SDK2: variants seen among roughly 807,000 people sequenced by gnomAD.
SDK2 encodes the protein sidekick cell adhesion molecule 2.
A neutral mutation model predicts 253.9 loss-of-function variants in SDK2; 105 were observed. The observed-to-expected ratio is 0.41, with a 90% CI of 0.35 to 0.49. The LOEUF (loss-of-function observed/expected upper bound fraction) is 0.49. Among genes scored for constraint, SDK2 ranks in the 20% least tolerant of loss-of-function variants. The pLI is 0.06. For missense variants in SDK2, 2,608 were observed against 3,003.0 expected (o/e 0.87, Z 3.07); for synonymous variants, 1,249 against 1,234.9 (o/e 1.01, Z -0.24).
At chr17:73,575,628 G>A (rs924416301) in intron 1 of SDK2, among the ~76,000 whole-genome samples, 1 of 152,230 alleles carries the variant, frequency 6.6e-6, no homozygotes, top group East Asian at 1.9e-4. Context: ...TGGTGATCAG[G>A]ATTAAACGAG....
At chr17:73,510,584 C>G (rs145684010) in intron 1 of SDK2, among the ~76,000 whole-genome samples, 3,087 of 152,234 alleles carry the variant, frequency 0.02, 78 homozygotes, top group Non-Finnish European at 0.027. Context: ...ACCGCAGCCT[C>G]GACCTCTGGG....
At chr17:73,412,940 C>T (rs2063151726) in intron 18 of SDK2, among the ~76,000 whole-genome samples, 1 of 152,124 alleles carries the variant, frequency 6.6e-6, no homozygotes, top group Admixed American at 6.6e-5. Context: ...CAGAGGAAAC[C>T]AACCCTGCCC....
chr17:73,437,914 G>A (rs778106846), intron 7 of SDK2, 50 bp downstream of exon 7: 61 of 1,586,184 alleles, frequency 3.8e-5, no homozygotes, highest in Middle Eastern at 1.7e-4. Context: ...GACCCTCGCC[G>A]TGCTGCCCCT....
chr17:73,493,522 T>C (rs2063821860), intron 2 of SDK2, among the ~76,000 whole-genome samples: 1 of 152,248 alleles, frequency 6.6e-6, no homozygotes, highest in South Asian at 2.1e-4. Flanking sequence ...CATTCCAGAC[T>C]GTTCCATGCA....
rs1164061054 is a variant in SDK2 at position 73,447,019 on chromosome 17, T to TG, written c.613+595dup. On this transcript the variant is annotated intron_variant, in intron 5 of 44. Transcript: ENST00000392650. This position sits in a 1 kb window ranked among gnomAD's most constrained non-coding sequence, Gnocchi z 4.0. ...ACCAAGGGAATCACGCTTTTGTGTG[T>TG]GTCTCACTGTGTGGTGAGTTCTAGG... is the stretch of plus-strand genomic sequence containing the variant. Among the ~76,000 whole-genome samples, 1 of 152,192 alleles carries TG rather than the reference T, an allele frequency of 6.6e-6. No individual in the cohort carries two copies. The highest frequency in any genetic ancestry group is 1.9e-4 in the East Asian group (1 of 5,182).
chr17:73,562,517 G>C (rs1310170719), intron 1 of SDK2, among the ~76,000 whole-genome samples: 1 of 152,132 alleles, frequency 6.6e-6, no homozygotes, highest in South Asian at 2.1e-4. Context: ...TGGAATCTGG[G>C]GGAACATGAG....
intron 39 of SDK2, among the ~76,000 whole-genome samples, chr17:73,359,386 T>C (rs1009314022): frequency 3.3e-5 from 5 of 152,050 alleles, no homozygotes; most frequent in Admixed American, 6.5e-5. Flanking sequence ...ATTTCCTTCC[T>C]TCCCTATGGA....
At chr17:73,426,559 G>T (rs2063285747) in intron 12 of SDK2, among the ~76,000 whole-genome samples, 1 of 152,018 alleles carries the variant, frequency 6.6e-6, no homozygotes, top group South Asian at 2.1e-4. Context: ...TTAAAGCTGT[G>T]GTCCTTATGG....
At chr17:73,627,432 A>G in intron 1 of SDK2, among the ~76,000 whole-genome samples, 1 of 152,172 alleles carries the variant, frequency 6.6e-6, no homozygotes, top group Non-Finnish European at 1.5e-5. Context: ...GCCTCCTTCC[A>G]TGTGAGTTGA....
At chr17:73,526,352 A>C (rs946879071) in intron 1 of SDK2, among the ~76,000 whole-genome samples, 22 of 152,334 alleles carry the variant, frequency 1.4e-4, no homozygotes, top group African/African-American at 5.3e-4. Context: ...GGCTTTGCCA[A>C]TTAGGACCTG....
chr17:73,453,624 A>G (rs2063503844), intron 4 of SDK2, among the ~76,000 whole-genome samples: 1 of 152,142 alleles, frequency 6.6e-6, no homozygotes, highest in African/African-American at 2.4e-5. Flanking sequence ...TGATCTGCCC[A>G]GCTTGGCCTC....
chr17:73,591,032 G>T (rs1255085534), intron 1 of SDK2, among the ~76,000 whole-genome samples: 1 of 152,138 alleles, frequency 6.6e-6, no homozygotes, highest in African/African-American at 2.4e-5. Context: ...TGATTCTCCT[G>T]CCTCAGCCTC....
At chr17:73,529,993 A>C (rs1411841478) in intron 1 of SDK2, among the ~76,000 whole-genome samples, 4 of 152,212 alleles carry the variant, frequency 2.6e-5, no homozygotes, top group Non-Finnish European at 5.9e-5. Flanking sequence ...CAGTGGGGTT[A>C]AGTGAAATTC....
chr17:73,348,693 T>G lies in SDK2; in HGVS notation c.6071A>C (p.His2024Pro). Reference sequence around the variant, plus strand: ...TTTGGTGACATCCTCATCCGAGTAGTGCAGGCTGCCTGGGCTGGGCCTGGG... The same window carrying G: ...TTTGGTGACATCCTCATCCGAGTAGGGCAGGCTGCCTGGGCTGGGCCTGGG... ...SPPRPSPGSL[H>P]YSDEDVTKYN... The change falls in exon 44 of 45, where the codon CAC becomes CCC. Residue 2024 changes from histidine to proline, a missense_variant. His to Pro is a moderately conservative substitution (Grantham distance 77, BLOSUM62 -2). Around this residue, in one of 2 missense-constraint regions of SDK2, gnomAD observed 1,103 missense variants for 1,143.9 expected, o/e 0.96. Transcript: ENST00000392650. 1 of 1,611,082 alleles carries G rather than the reference T, an allele frequency of 6.2e-7. No homozygotes were observed. The highest frequency in any genetic ancestry group is 1.3e-5 in the African/African-American group (1 of 75,034).
Position 73,352,332 on chromosome 17 carries a change from C to G in SDK2, c.5758+141G>C. The G allele has an allele frequency of 9.2e-7, 1 of 1,086,808 alleles. No individual in the cohort carries two copies. 67.3% of individuals were successfully genotyped at this position (1,086,808 alleles called of 1,614,324 possible). The stretch of plus-strand genomic sequence containing the variant: ...CTGGGCACCAGCACTTGCCTCTTCA[C>G]AGCCCCGAGGGGACAATGTGTTTTT... On this transcript the variant is annotated intron_variant, in intron 41 of 44. Transcript: ENST00000392650. The surrounding 1 kb of genome is among the most constrained non-coding windows in gnomAD (Gnocchi z 4.1).
chr17:73,540,846 C>G (rs549892963), intron 1 of SDK2, among the ~76,000 whole-genome samples: 4 of 152,198 alleles, frequency 2.6e-5, no homozygotes, highest in Admixed American at 6.5e-5. Context: ...AGGCCCTACC[C>G]GGAAGGCAGG....
rs373774628 is a variant in SDK2, at chr17:73,408,046, C to CTTTTTTTTTTTTTTTTTTTTTTTT, written c.2485-5906_2485-5905insAAAAAAAAAAAAAAAAAAAAAAAA. ...ACACCATCTAGGAAGTAAAATATTT[C>CTTTTTTTTTTTTTTTTTTTTTTTT]CTTTTTTTTTTTTTTTTTCTTTTGA... is the stretch of plus-strand genomic sequence containing the variant. On this transcript the variant is annotated intron_variant, in intron 18 of 44. Transcript: ENST00000392650. Among the ~76,000 whole-genome samples the CTTTTTTTTTTTTTTTTTTTTTTTT allele has an allele frequency of 1.6e-4, 8 of 50,950 alleles. 4 individuals are homozygous for CTTTTTTTTTTTTTTTTTTTTTTTT. The highest frequency in any genetic ancestry group is 2.5e-4 in the Non-Finnish European group (6 of 24,352). The allele number at this position is 50,950 out of a possible 152,430, so 33.4% of individuals were successfully genotyped here. A position where few individuals can be genotyped will look rare whatever the true frequency, so the allele number is the denominator to read the frequency against.
rs1568373333 is a variant in SDK2, at chr17:73,379,775, G to A, written c.4763-226C>T. On this transcript the variant is annotated intron_variant, in intron 34 of 44. Transcript: ENST00000392650. The surrounding 1 kb of genome is among the most constrained non-coding windows in gnomAD (Gnocchi z 4.5). ...GCTGGTTGGCCTCTTGGCCTAGGGT[G>A]GCCGTACATTTTATTGTTCAACTGG... 6.6e-6 allele frequency among the ~76,000 whole-genome samples: 1 copy of A among 150,794 alleles called. No homozygotes were observed. Among genetic ancestry groups the A allele is most frequent in the Non-Finnish European group, 1.5e-5 (1 of 67,752 alleles).
At chr17:73,615,887 TCA>T (rs1363066346) in intron 1 of SDK2, among the ~76,000 whole-genome samples, 2 of 152,068 alleles carry the variant, frequency 1.3e-5, no homozygotes, top group Non-Finnish European at 2.9e-5. Flanking sequence ...ACATGTGCAT[TCA>T]CACATACATA....
Sources: gnomAD v4.1 joint callset for allele counts (sites outside exome capture counted in the v4.1 genomes callset) on GRCh38, gnomAD v4.1.1 for gene constraint, gnomAD v4.1.1 regional missense constraint, Gnocchi (gnomAD v3.1) non-coding constraint, MANE v1.5 for transcripts, NCBI Gene and HGNC (gene_info 2026-07-23, HGNC 2026-07-21) for gene names.